Variants in DEK observed in about 807,000 individuals in gnomAD.
DEK encodes protein DEK.
In DEK, 28 loss-of-function variants were observed where a neutral mutation model predicts 46.8. That is an observed-to-expected ratio of 0.60 (90% CI 0.44 to 0.82). DEK has a LOEUF of 0.82. Among genes scored for constraint, DEK ranks in the 40% least tolerant of loss-of-function variants. The pLI, the probability that DEK is intolerant of heterozygous loss-of-function variation, is 0.00. For missense variants in DEK, 416 were observed against 430.6 expected, an observed-to-expected ratio of 0.97 and a Z score of 0.30; for synonymous variants, 160 against 144.5, an observed-to-expected ratio of 1.11 and a Z score of -0.77.
chr6:18,230,139 G>A (rs1445756217), intron 9 of DEK, among the ~76,000 whole-genome samples: 2 of 152,090 alleles, frequency 1.3e-5, no homozygotes, highest in African/African-American at 4.8e-5. Context: ...AGCTTCATAA[G>A]TGAAGGAGAA....
At chr6:18,227,138 G>A (rs545292994) in intron 9 of DEK, among the ~76,000 whole-genome samples, 26 of 152,150 alleles carry the variant, frequency 1.7e-4, no homozygotes, top group African/African-American at 6.3e-4. Flanking sequence ...AGACCTGACC[G>A]TCCCCCAGCC....
At chr6:18,244,478 C>CA (rs1381415677) in intron 7 of DEK, 34 of 1,212,448 alleles carry the variant, frequency 2.8e-5, no homozygotes, top group Admixed American at 2.4e-4. Flanking sequence ...TGAAGGAAGG[C>CA]AAAAAAAATC....
chr6:18,261,294 C>T (rs987732403), intron 2 of DEK, among the ~76,000 whole-genome samples: 3 of 152,116 alleles, frequency 2.0e-5, no homozygotes, highest in East Asian at 1.9e-4. Context: ...ACTTGTAGGC[C>T]GGGCGCAGTG....
chr6:18,232,043 T>C (rs1790436177), intron 9 of DEK, among the ~76,000 whole-genome samples: 1 of 152,216 alleles, frequency 6.6e-6, no homozygotes, highest in South Asian at 2.1e-4. Context: ...ATCCCTGGCA[T>C]GCAAGGCTGG....
rs773264874 is a variant in DEK, at chr6:18,264,510, C to T, written c.-135G>A. 2.9e-5 allele frequency: 7 copies of T among 245,158 alleles called. No individual in the cohort carries two copies. The highest frequency in any genetic ancestry group is 1.4e-4 in the African/African-American group (6 of 43,346). The allele number at this position is 245,158 out of a possible 1,614,324, so 15.2% of individuals were successfully genotyped here. A position where few individuals can be genotyped will look rare whatever the true frequency, so the allele number is the denominator to read the frequency against. On this transcript the variant is annotated 5_prime_UTR_variant, in exon 1 of 11. Transcript: ENST00000652689. ...TGGCGTGACGCTCGCGCCGCGCGCT[C>T]GGCTCCCCAGAATCAACAAGATTTT...
At chr6:18,252,249 C>T (rs1791408602) in intron 6 of DEK, among the ~76,000 whole-genome samples, 1 of 152,140 alleles carries the variant, frequency 6.6e-6, no homozygotes, top group African/African-American at 2.4e-5. Flanking sequence ...GTGGCTCATG[C>T]CTGTAATCCC....
At chr6:18,262,292 C>T (rs1381468717) in intron 2 of DEK, among the ~76,000 whole-genome samples, 1 of 143,962 alleles carries the variant, frequency 6.9e-6, no homozygotes, top group African/African-American at 2.7e-5. Context: ...TTTATAGTAA[C>T]GCAAAAAAAA....
At chr6:18,254,838 T>C (rs1162045989) in intron 6 of DEK, among the ~76,000 whole-genome samples, 1 of 152,228 alleles carries the variant, frequency 6.6e-6, no homozygotes, top group African/African-American at 2.4e-5. Flanking sequence ...ATCATACCCC[T>C]TGCGTTTGTA....
intron 6 of DEK, among the ~76,000 whole-genome samples, chr6:18,250,737 C>A (rs574388466): frequency 5.9e-5 from 9 of 151,848 alleles, no homozygotes; most frequent in Non-Finnish European, 1.3e-4. Context: ...CTCAAGTGAT[C>A]CACCCACCCT....
At chr6:18,260,430 T>C (rs1318259039) in intron 2 of DEK, among the ~76,000 whole-genome samples, 5 of 152,148 alleles carry the variant, frequency 3.3e-5, no homozygotes, top group Admixed American at 2.6e-4. Context: ...TACAGGCACC[T>C]AAACTCAAAA....
chr6:18,237,281 T>A (rs1025660351), intron 8 of DEK, 100 bp downstream of exon 8: 27 of 1,366,488 alleles, frequency 2.0e-5, no homozygotes, highest in Non-Finnish European at 2.6e-5. Flanking sequence ...CAATGTTCTC[T>A]GCAGTTTACC....
intron 7 of DEK, chr6:18,244,472 G>C (rs959656837): frequency 1.1e-4 from 133 of 1,167,060 alleles, no homozygotes; most frequent in Admixed American, 9.9e-4. Context: ...ACTTTTTGAA[G>C]GAAGGCAAAA....
chr6:18,234,453 G>A (rs1410859402), intron 9 of DEK, among the ~76,000 whole-genome samples: 5 of 152,102 alleles, frequency 3.3e-5, no homozygotes, highest in Non-Finnish European at 7.3e-5. Context: ...ACTACAGATT[G>A]CTGTGGGAAA....
intron 2 of DEK, among the ~76,000 whole-genome samples, chr6:18,263,242 G>A (rs1216965314): frequency 6.6e-6 from 1 of 151,948 alleles, no homozygotes; most frequent in Non-Finnish European, 1.5e-5. Context: ...GACAGTGCTG[G>A]GCTCACATTT....
intron 5 of DEK, among the ~76,000 whole-genome samples, chr6:18,256,136 C>T (rs370239132): frequency 3.3e-5 from 5 of 151,848 alleles, no homozygotes; most frequent in Admixed American, 6.6e-5. Flanking sequence ...TACAGGCATG[C>T]GCCACCACAG....
intron 7 of DEK, among the ~76,000 whole-genome samples, chr6:18,242,596 C>T: frequency 6.6e-6 from 1 of 152,296 alleles, no homozygotes; most frequent in South Asian, 2.1e-4. Context: ...AGCATATCCA[C>T]ACTGTAGATG....
At chr6:18,253,583 T>A (rs1462350364) in intron 6 of DEK, among the ~76,000 whole-genome samples, 1 of 152,168 alleles carries the variant, frequency 6.6e-6, no homozygotes, top group East Asian at 1.9e-4. Flanking sequence ...CAGACCTACA[T>A]TAAACATTAC....
chr6:18,245,404 G>A (rs1302906746), intron 7 of DEK, among the ~76,000 whole-genome samples: 1 of 151,120 alleles, frequency 6.6e-6, no homozygotes, highest in Non-Finnish European at 1.5e-5. Context: ...CTCCTGTTTC[G>A]AACATTATTA....
chr6:18,228,362 C>A (rs1267387602), intron 9 of DEK, among the ~76,000 whole-genome samples: 1 of 152,032 alleles, frequency 6.6e-6, no homozygotes, highest in Non-Finnish European at 1.5e-5. Context: ...TATAGTTCAT[C>A]ATTTAAATTA....
Sources: gnomAD v4.1 joint callset for allele counts (sites outside exome capture counted in the v4.1 genomes callset) on GRCh38, gnomAD v4.1.1 for gene constraint, MANE v1.5 for transcripts, NCBI Gene and HGNC (gene_info 2026-07-23, HGNC 2026-07-21) for gene names.